TPRG1: variants seen among roughly 807,000 people sequenced by gnomAD.
TPRG1 encodes the protein tumor protein p63-regulated gene 1 protein.
A neutral mutation model predicts 29.3 loss-of-function variants in TPRG1; 29 were observed. That is an observed-to-expected ratio of 0.99 (90% CI 0.74 to 1.35). The LOEUF is 1.35. Among genes scored for constraint, TPRG1 ranks in the 40% most tolerant of loss-of-function variants. The pLI, the probability that TPRG1 is intolerant of heterozygous loss-of-function variation, is 0.00. For missense variants in TPRG1, 327 were observed against 335.0 expected (o/e 0.98, Z 0.19); for synonymous variants, 130 against 116.8 (o/e 1.11, Z -0.73).
chr3:189,086,117 G>T (rs1361572148), intron 4 of TPRG1, among the ~76,000 whole-genome samples: 1 of 152,148 alleles, frequency 6.6e-6, no homozygotes, highest in Non-Finnish European at 1.5e-5. Context: ...GAAGGCCTGA[G>T]AGCCCCTGGC....
intron 1 of TPRG1, among the ~76,000 whole-genome samples, chr3:189,179,314 G>A (rs1408639479): frequency 1.3e-5 from 2 of 152,164 alleles, no homozygotes; most frequent in Non-Finnish European, 2.9e-5. Flanking sequence ...AGAATGGAAA[G>A]CTTTGCACAC....
Position 189,322,903 on chromosome 3 carries a change from AAG to A in TPRG1, c.*2086_*2087del, listed in dbSNP as rs968195183. 3.3e-5 allele frequency: 5 copies of A among 152,226 alleles called. No homozygotes were observed. The highest frequency in any genetic ancestry group is 9.6e-5 in the African/African-American group (4 of 41,552). The allele number at this position is 152,226 out of a possible 1,614,324, so 9.4% of individuals were successfully genotyped here. A position where few individuals can be genotyped will look rare whatever the true frequency, so the allele number is the denominator to read the frequency against. Reference sequence around the variant, plus strand: ...AATGGAATCAAAGCTGTTTTGCATAAAGAGTGAACTCAGAGACGACAAGAGGG... The same window carrying A: ...AATGGAATCAAAGCTGTTTTGCATAAAGTGAACTCAGAGACGACAAGAGGG... On this transcript the variant is annotated 3_prime_UTR_variant, in exon 6 of 6. Coordinates refer to ENST00000345063, the MANE Select transcript of TPRG1 (RefSeq NM_198485.4).
chr3:189,078,010 T>C (rs1717296002), intron 4 of TPRG1, among the ~76,000 whole-genome samples: 1 of 99,592 alleles, frequency 1.0e-5, no homozygotes, highest in South Asian at 3.3e-4. Context: ...AAAAACCTTT[T>C]CCTTCCTTCC....
At chr3:189,285,447 A>C (rs1717895278) in intron 4 of TPRG1, among the ~76,000 whole-genome samples, 1 of 152,178 alleles carries the variant, frequency 6.6e-6, no homozygotes, top group South Asian at 2.1e-4. Context: ...GTTCCATAGA[A>C]TCACACACAT....
chr3:189,021,737 T>G (rs1408633592), intron 3 of TPRG1, among the ~76,000 whole-genome samples: 2 of 152,122 alleles, frequency 1.3e-5, no homozygotes, highest in African/African-American at 4.8e-5. Context: ...GAGGAGTATC[T>G]TTGTGGCGTT....
At chr3:189,300,821 C>G (rs1316564088) in intron 4 of TPRG1, among the ~76,000 whole-genome samples, 1 of 152,172 alleles carries the variant, frequency 6.6e-6, no homozygotes, top group Admixed American at 6.5e-5. Context: ...CTCAATATTC[C>G]TACTTTACTA....
At chr3:189,024,713 A>G (rs1713564030) in intron 4 of TPRG1, among the ~76,000 whole-genome samples, 2 of 152,232 alleles carry the variant, frequency 1.3e-5, no homozygotes, top group Non-Finnish European at 1.5e-5. Flanking sequence ...TTCTGCCTAT[A>G]GAATATAGGC....
chr3:189,094,546 C>CTATT (rs1448073362), intron 4 of TPRG1, among the ~76,000 whole-genome samples: 2 of 152,204 alleles, frequency 1.3e-5, no homozygotes, highest in East Asian at 3.8e-4. Flanking sequence ...GATCAACCTG[C>CTATT]TATTTATCCA....
At chr3:189,104,820 T>C (rs1400515495) in intron 1 of TPRG1, among the ~76,000 whole-genome samples, 1 of 152,132 alleles carries the variant, frequency 6.6e-6, no homozygotes, top group African/African-American at 2.4e-5. Context: ...TAAAATGCCT[T>C]CCTCTGCCCT....
chr3:189,065,043 G>T (rs562843506), intron 4 of TPRG1, among the ~76,000 whole-genome samples: 26 of 152,182 alleles, frequency 1.7e-4, no homozygotes, highest in Admixed American at 1.4e-3. Flanking sequence ...TTGAAAATTA[G>T]CTGTATGTGT....
chr3:189,108,978 C>T (rs1379932799), intron 1 of TPRG1, among the ~76,000 whole-genome samples: 1 of 152,030 alleles, frequency 6.6e-6, no homozygotes, highest in Non-Finnish European at 1.5e-5. Flanking sequence ...TCAGAAATAG[C>T]CTGCTTGTCT....
At chr3:189,076,942 A>ATATATATATATATATATATATATATG (rs199941065) in intron 4 of TPRG1, among the ~76,000 whole-genome samples, 20 of 151,304 alleles carry the variant, frequency 1.3e-4, no homozygotes, top group Middle Eastern at 3.4e-3. Flanking sequence ...ATATATATAT[A>ATATATATATATATATATATATATATG]GCCAATAAGC....
intron 1 of TPRG1, among the ~76,000 whole-genome samples, chr3:189,101,892 T>G (rs1719247059): frequency 6.6e-6 from 1 of 152,154 alleles, no homozygotes; most frequent in East Asian, 1.9e-4. Flanking sequence ...TACGTACATC[T>G]TTTTAGTTGC....
chr3:189,296,463 C>A (rs773679603), intron 4 of TPRG1, among the ~76,000 whole-genome samples: 58 of 152,054 alleles, frequency 3.8e-4, no homozygotes, highest in Non-Finnish European at 7.4e-4. Context: ...GATATATATA[C>A]AATTATACAC....
At chr3:189,068,786 AAAAG>A (rs1273988033) in intron 4 of TPRG1, among the ~76,000 whole-genome samples, 2 of 152,054 alleles carry the variant, frequency 1.3e-5, no homozygotes, top group Non-Finnish European at 2.9e-5. Flanking sequence ...AAAAAAGAGA[AAAAG>A]GAAGGAAGGA....
chr3:189,058,893 C>T (rs929617131), intron 4 of TPRG1, among the ~76,000 whole-genome samples: 4 of 152,146 alleles, frequency 2.6e-5, no homozygotes, highest in African/African-American at 7.2e-5. Flanking sequence ...GCATTGAAAA[C>T]GTCCCACATG....
intron 3 of TPRG1, among the ~76,000 whole-genome samples, chr3:189,005,717 C>T (rs181649748): frequency 6.6e-5 from 10 of 152,190 alleles, no homozygotes; most frequent in African/African-American, 2.2e-4. Flanking sequence ...TATATACCAT[C>T]TTTCTTGAAA....
At chr3:189,298,133 T>C (rs911984679) in intron 4 of TPRG1, among the ~76,000 whole-genome samples, 5 of 152,190 alleles carry the variant, frequency 3.3e-5, no homozygotes, top group African/African-American at 9.7e-5. Context: ...AAAGCAAATA[T>C]ACACTGTGGA....
At chr3:189,081,269 G>T (rs969217769) in intron 4 of TPRG1, among the ~76,000 whole-genome samples, 3 of 152,100 alleles carry the variant, frequency 2.0e-5, no homozygotes, top group African/African-American at 7.2e-5. Flanking sequence ...AAATGCGTGG[G>T]GAGAGGGATT....
Sources: gnomAD v4.1 joint callset for allele counts (sites outside exome capture counted in the v4.1 genomes callset) on GRCh38, gnomAD v4.1.1 for gene constraint, MANE v1.5 for transcripts, NCBI Gene and HGNC (gene_info 2026-07-23, HGNC 2026-07-21) for gene names.